The following CSMD1 variants were observed in gnomAD, a reference collection of about 807,000 sequenced individuals.
CSMD1 encodes CUB and Sushi multiple domains 1, also known as CUB and sushi domain-containing protein 1.
A neutral mutation model predicts 417.5 loss-of-function variants in CSMD1; 213 were observed. That is an observed-to-expected ratio of 0.51 (90% CI 0.46 to 0.57). The LOEUF (loss-of-function observed/expected upper bound fraction) is 0.57, where lower values mean the gene tolerates loss of function less well. CSMD1 is among the 20% of genes least tolerant of loss of function. CSMD1 has a pLI of 0.00. For missense variants in CSMD1, 6,923 were observed against 4,529.7 expected (o/e 1.53, Z -15.17); for synonymous variants, 2,862 against 1,736.8 (o/e 1.65, Z -16.11).
chr8:3,049,972 A>G (rs1037728506), intron 50 of CSMD1, among the ~76,000 whole-genome samples: 5 of 152,142 alleles, frequency 3.3e-5, no homozygotes, highest in African/African-American at 9.7e-5. Context: ...AAAGCTCTGA[A>G]AATAAAAATT....
chr8:4,193,631 C>A (rs761208431), intron 3 of CSMD1, among the ~76,000 whole-genome samples: 4 of 152,058 alleles, frequency 2.6e-5, no homozygotes, highest in Non-Finnish European at 4.4e-5. Flanking sequence ...AGTGTGCTGT[C>A]AAGGGAGGCC....
chr8:3,432,176 G>C (rs1314864965), intron 12 of CSMD1, among the ~76,000 whole-genome samples: 1 of 152,172 alleles, frequency 6.6e-6, no homozygotes, highest in East Asian at 1.9e-4. Flanking sequence ...TTCTTAATCT[G>C]GGCATTATAA....
intron 1 of CSMD1, among the ~76,000 whole-genome samples, chr8:4,955,587 C>T (rs1034322609): frequency 2.6e-5 from 4 of 152,046 alleles, no homozygotes; most frequent in Non-Finnish European, 5.9e-5. Flanking sequence ...TCCCGAGTAG[C>T]TGAGATTACA....
intron 2 of CSMD1, among the ~76,000 whole-genome samples, chr8:4,467,372 A>G (rs1023818962): frequency 2.6e-5 from 4 of 152,050 alleles, no homozygotes; most frequent in African/African-American, 9.7e-5. Flanking sequence ...ATCAATTCAA[A>G]TGTCCTCATT....
chr8:4,255,823 C>A (rs189791976), intron 3 of CSMD1, among the ~76,000 whole-genome samples: 9 of 152,316 alleles, frequency 5.9e-5, no homozygotes, highest in Non-Finnish European at 1.2e-4. Flanking sequence ...CACTGGCTGG[C>A]CTTGGCCTTG....
intron 1 of CSMD1, among the ~76,000 whole-genome samples, chr8:4,657,032 C>T (rs762919854): frequency 4.6e-5 from 7 of 152,080 alleles, no homozygotes; most frequent in Non-Finnish European, 7.3e-5. Flanking sequence ...CACCAGGACA[C>T]GCAAAAGATC....
chr8:3,739,396 C>G (rs1000738718), intron 6 of CSMD1, among the ~76,000 whole-genome samples: 2 of 152,154 alleles, frequency 1.3e-5, no homozygotes, highest in African/African-American at 4.8e-5. Context: ...AGTTAGAAGA[C>G]AGGATTTAGA....
intron 4 of CSMD1, among the ~76,000 whole-genome samples, chr8:4,003,608 C>T (rs1376785501): frequency 6.6e-6 from 1 of 152,026 alleles, no homozygotes; most frequent in African/African-American, 2.4e-5. Context: ...ACTGAAATGC[C>T]TTCTAATATA....
intron 5 of CSMD1, among the ~76,000 whole-genome samples, chr8:3,822,357 G>A (rs758471390): frequency 3.9e-5 from 6 of 152,040 alleles, no homozygotes; most frequent in African/African-American, 9.7e-5. Context: ...TTTAAAAGTC[G>A]TTGAACTGTA....
At chr8:4,429,293 A>G (rs1797737757) in intron 2 of CSMD1, among the ~76,000 whole-genome samples, 1 of 152,100 alleles carries the variant, frequency 6.6e-6, no homozygotes, top group African/African-American at 2.4e-5. Context: ...ATAATTTCTC[A>G]TCAATTTTGC....
intron 1 of CSMD1, among the ~76,000 whole-genome samples, chr8:4,875,901 CAA>C (rs1214452069): frequency 2.0e-5 from 3 of 151,930 alleles, no homozygotes; most frequent in Non-Finnish European, 2.9e-5. Context: ...TTTAATTACT[CAA>C]AAGAGTCTTT....
chr8:4,481,373 T>C (rs1055957493), intron 2 of CSMD1, among the ~76,000 whole-genome samples: 4 of 152,214 alleles, frequency 2.6e-5, no homozygotes, highest in African/African-American at 7.2e-5. Context: ...TCAATAAATA[T>C]AAAATGAGAC....
chr8:4,717,198 G>A (rs779698054), intron 1 of CSMD1, among the ~76,000 whole-genome samples: 2 of 151,476 alleles, frequency 1.3e-5, no homozygotes, highest in Non-Finnish European at 2.9e-5. Context: ...TTGATGAGGA[G>A]TAACAGTATT....
chr8:3,989,448 C>A (rs752183675), intron 5 of CSMD1, among the ~76,000 whole-genome samples: 10 of 152,162 alleles, frequency 6.6e-5, no homozygotes, highest in African/African-American at 9.7e-5. Flanking sequence ...TCTTAGCATG[C>A]TGGAACGAGT....
At chr8:4,799,046 T>G (rs981162247) in intron 1 of CSMD1, among the ~76,000 whole-genome samples, 4 of 152,274 alleles carry the variant, frequency 2.6e-5, no homozygotes, top group African/African-American at 7.2e-5. Context: ...GAGCGTGGGC[T>G]GGTGAGGACA....
intron 10 of CSMD1, among the ~76,000 whole-genome samples, chr8:3,560,929 G>A (rs372100168): frequency 9.9e-5 from 15 of 152,062 alleles, no homozygotes; most frequent in East Asian, 5.8e-4. Flanking sequence ...GACGCCTCAC[G>A]TTGTATTTAG....
At chr8:3,801,352 T>G (rs149494120) in intron 5 of CSMD1, among the ~76,000 whole-genome samples, 88 of 152,206 alleles carry the variant, frequency 5.8e-4, no homozygotes, top group African/African-American at 2.0e-3. Context: ...AATAAGCCCA[T>G]GAAAAGATGC....
At chr8:3,137,491 G>C (rs1037935031) in intron 41 of CSMD1, among the ~76,000 whole-genome samples, 1 of 152,216 alleles carries the variant, frequency 6.6e-6, no homozygotes, top group African/African-American at 2.4e-5. Context: ...AGGTAAAACA[G>C]AAATGACCGT....
At chr8:4,477,751 C>G (rs1348573550) in intron 2 of CSMD1, among the ~76,000 whole-genome samples, 1 of 152,168 alleles carries the variant, frequency 6.6e-6, no homozygotes, top group Admixed American at 6.5e-5. Context: ...GTCCAAACCT[C>G]TTACTCACAA....
Sources: gnomAD v4.1 joint callset for allele counts (sites outside exome capture counted in the v4.1 genomes callset) on GRCh38, gnomAD v4.1.1 for gene constraint, MANE v1.5 for transcripts, NCBI Gene and HGNC (gene_info 2026-07-23, HGNC 2026-07-21) for gene names.